NRXN3: variants seen among roughly 807,000 people sequenced by gnomAD.
NRXN3 encodes neurexin III.
In NRXN3, 32 loss-of-function variants were observed where a neutral mutation model predicts 137.6. That is an observed-to-expected ratio of 0.23 (90% CI 0.18 to 0.31). The LOEUF (loss-of-function observed/expected upper bound fraction) is 0.31, where lower values mean the gene tolerates loss of function less well. Among genes scored for constraint, NRXN3 ranks in the 10% least tolerant of loss-of-function variants. The pLI is 1.00. For missense variants in NRXN3, 1,574 were observed against 2,062.5 expected, an observed-to-expected ratio of 0.76 and a Z score of 4.59; for synonymous variants, 798 against 784.5, an observed-to-expected ratio of 1.02 and a Z score of -0.29.
intron 16 of NRXN3, among the ~76,000 whole-genome samples, chr14:79,536,694 G>A (rs1294097325): frequency 6.6e-6 from 1 of 152,062 alleles, no homozygotes; most frequent in Non-Finnish European, 1.5e-5. Flanking sequence ...CCACTTATAA[G>A]TGAGAATATG....
chr14:79,819,673 CGG>C (rs989732854), intron 20 of NRXN3, among the ~76,000 whole-genome samples: 41 of 151,758 alleles, frequency 2.7e-4, no homozygotes, highest in Middle Eastern at 3.4e-3. Flanking sequence ...TTAGTAGAGA[CGG>C]GGTTTCACCA....
intron 15 of NRXN3, among the ~76,000 whole-genome samples, chr14:79,031,362 C>T (rs1568048759): frequency 2.6e-5 from 4 of 151,982 alleles, no homozygotes; most frequent in Admixed American, 1.3e-4. Context: ...ATAGGTAACA[C>T]ATTATTAGAA....
At chr14:78,250,211 A>C (rs2068389146) in intron 2 of NRXN3, 1 of 394,712 alleles carries the variant, frequency 2.5e-6, no homozygotes, top group South Asian at 1.9e-5. Flanking sequence ...ACTGTCAACC[A>C]CCATGCTATC....
intron 16 of NRXN3, among the ~76,000 whole-genome samples, chr14:79,566,639 A>G (rs1218079038): frequency 6.6e-6 from 1 of 152,122 alleles, no homozygotes; most frequent in Non-Finnish European, 1.5e-5. Flanking sequence ...TTCAGTATGA[A>G]ATGATGTAAT....
intron 1 of NRXN3, among the ~76,000 whole-genome samples, chr14:78,213,714 C>T (rs2062972399): frequency 6.6e-6 from 1 of 152,244 alleles, no homozygotes; most frequent in South Asian, 2.1e-4. Context: ...CTCTCTGTGG[C>T]ATGTCCTCTT....
chr14:78,713,859 A>T (rs1198396460), intron 7 of NRXN3, among the ~76,000 whole-genome samples: 1 of 152,182 alleles, frequency 6.6e-6, no homozygotes, highest in African/African-American at 2.4e-5. Flanking sequence ...AATTCAATTC[A>T]CTTCCCACCA....
intron 10 of NRXN3, among the ~76,000 whole-genome samples, chr14:78,844,237 A>G (rs1413995657): frequency 6.6e-6 from 1 of 152,060 alleles, no homozygotes; most frequent in Non-Finnish European, 1.5e-5. Flanking sequence ...ATAAGGATAC[A>G]TGTGATTGCA....
At chr14:78,250,868 G>A (rs1475601519) in intron 2 of NRXN3, among the ~76,000 whole-genome samples, 1 of 152,184 alleles carries the variant, frequency 6.6e-6, no homozygotes, top group Admixed American at 6.5e-5. Context: ...CCTGGATGCG[G>A]ATGATAAGCA....
chr14:79,788,678 G>T (rs1351572047), intron 19 of NRXN3, among the ~76,000 whole-genome samples: 1 of 152,164 alleles, frequency 6.6e-6, no homozygotes, highest in Non-Finnish European at 1.5e-5. Context: ...TGATATAGTT[G>T]CCTCTAGAAG....
chr14:79,404,640 A>ACTG (rs2095273637), intron 15 of NRXN3, among the ~76,000 whole-genome samples: 1 of 152,206 alleles, frequency 6.6e-6, no homozygotes, highest in African/African-American at 2.4e-5. Flanking sequence ...AAAGAAACAC[A>ACTG]CTGAGATTTA....
chr14:79,441,366 C>CTTTTTTTTTTTTTTTTTT (rs869170695), intron 15 of NRXN3, among the ~76,000 whole-genome samples: 1 of 67,250 alleles, frequency 1.5e-5, no homozygotes, highest in East Asian at 8.4e-4. Context: ...AACAGAAAAT[C>CTTTTTTTTTTTTTTTTTT]TTTTTTTTTT....
intron 4 of NRXN3, among the ~76,000 whole-genome samples, chr14:78,571,219 A>G (rs2152314540): frequency 6.6e-6 from 1 of 152,320 alleles, no homozygotes; most frequent in East Asian, 1.9e-4. Flanking sequence ...AACTTATTTT[A>G]AAGATAACTG....
intron 15 of NRXN3, among the ~76,000 whole-genome samples, chr14:79,117,907 TGA>T (rs1239806168): frequency 2.6e-5 from 4 of 152,202 alleles, no homozygotes; most frequent in African/African-American, 9.6e-5. Context: ...TACTCAAGCC[TGA>T]GTGTGTGCTT....
chr14:79,838,579 T>C (rs1568414071), intron 20 of NRXN3, among the ~76,000 whole-genome samples: 1 of 152,076 alleles, frequency 6.6e-6, no homozygotes, highest in Admixed American at 6.6e-5. Flanking sequence ...CACAGAGAAA[T>C]AGTGTTGGAG....
chr14:78,373,211 T>A (rs1294121531), intron 4 of NRXN3, among the ~76,000 whole-genome samples: 1 of 152,196 alleles, frequency 6.6e-6, no homozygotes, highest in African/African-American at 2.4e-5. Context: ...TGTGTGTTTC[T>A]CTGAAGTCTA....
At chr14:79,378,568 T>C (rs73327708) in intron 15 of NRXN3, among the ~76,000 whole-genome samples, 4,118 of 152,278 alleles carry the variant, frequency 0.027, 193 homozygotes, top group African/African-American at 0.094. Context: ...GAGTGCTTTA[T>C]ATGGAGCTCT....
intron 15 of NRXN3, among the ~76,000 whole-genome samples, chr14:79,409,001 A>G (rs989431793): frequency 6.6e-6 from 1 of 152,060 alleles, no homozygotes; most frequent in Non-Finnish European, 1.5e-5. Context: ...CCTTTGGTCT[A>G]TGGATAAGAA....
intron 1 of NRXN3, among the ~76,000 whole-genome samples, chr14:78,174,328 A>AC (rs773503053): frequency 2.6e-5 from 4 of 152,110 alleles, no homozygotes; most frequent in Non-Finnish European, 5.9e-5. Flanking sequence ...TCTCACACAC[A>AC]CCAACACGCA....
chr14:79,206,111 C>T (rs1198421538), intron 15 of NRXN3, among the ~76,000 whole-genome samples: 1 of 152,102 alleles, frequency 6.6e-6, no homozygotes, highest in Non-Finnish European at 1.5e-5. Flanking sequence ...TGGAATGTGA[C>T]TATCAATACA....
Sources: allele counts gnomAD v4.1 joint callset (sites outside exome capture counted in the v4.1 genomes callset), GRCh38; gene constraint gnomAD v4.1.1; transcripts MANE v1.5; gene names NCBI Gene and HGNC (gene_info 2026-07-23, HGNC 2026-07-21).